The following TMEM168 variants were observed in gnomAD, a reference collection of about 807,000 sequenced individuals.
TMEM168 encodes transmembrane protein 168.
Under a neutral mutation model 53.2 loss-of-function variants are expected in TMEM168, and 40 were observed. That is an observed-to-expected ratio of 0.75 (90% CI 0.58 to 0.98). The LOEUF (loss-of-function observed/expected upper bound fraction) is 0.98. Ranked by LOEUF, TMEM168 falls within the 50% of genes least tolerant of loss-of-function variation. The probability of loss-of-function intolerance (pLI) is 0.00; values close to 1 mark genes in which losing one functional copy is unlikely to be tolerated. For synonymous variants in TMEM168, 282 were observed against 293.0 expected (o/e 0.96, Z 0.38); for missense variants, 771 against 828.8 (o/e 0.93, Z 0.86).
chr7:112,772,805 C>T lies in TMEM168; in HGVS notation c.1522G>A (p.Gly508Ser). ...YILYYSGHTH[G>S]TGEWALAGGD... ...CCTGCTAGAGCCCACTCTCCTGTAC[C>T]ATGGGTGTGCCCACTGTAATACAAA... The change falls in exon 4 of 5, where the codon GGT (glycine) becomes AGT (serine). Residue 508 changes from glycine to serine, a missense_variant. Coordinates refer to ENST00000312814, the MANE Select transcript of TMEM168 (RefSeq NM_022484.6). The T allele has an allele frequency of 6.2e-7, 1 of 1,613,956 alleles. No individual in the cohort carries two copies. The highest frequency in any genetic ancestry group is 8.5e-7 in the Non-Finnish European group (1 of 1,179,904).
rs150249344 is a variant in TMEM168 at position 112,772,837 on chromosome 7, G to A, written c.1490C>T (p.Thr497Met). 6.6e-5 allele frequency: 106 copies of A among 1,613,992 alleles called. No individual in the cohort carries two copies. In the African/African-American group the frequency reaches 9.5e-4, roughly 14 times the overall value. ...GTGCCCACTGTAATACAAAATATAC[G>A]TATCATGTCTGGGTCCATCCACTGT... The part of the protein sequence containing the change: ...LRTVDGPRHD[T>M]YILYYSGHTH... The change falls in exon 4 of 5, where the codon ACG (threonine) becomes ATG (methionine). Residue 497 changes from threonine to methionine, a missense_variant. Thr to Met is a moderately conservative substitution (Grantham distance 81). Coordinates refer to ENST00000312814, the MANE Select transcript of TMEM168 (RefSeq NM_022484.6).
intron 3 of TMEM168, 88 bp downstream of exon 3, chr7:112,775,088 T>C: frequency 1.8e-6 from 2 of 1,137,806 alleles, no homozygotes; most frequent in Non-Finnish European, 2.3e-6. Flanking sequence ...GAAAACAGTT[T>C]TGAAAAGGAG....
At chr7:112,769,268 TCA>T (rs1792869448) in intron 4 of TMEM168, among the ~76,000 whole-genome samples, 1 of 152,202 alleles carries the variant, frequency 6.6e-6, no homozygotes, top group Non-Finnish European at 1.5e-5. Context: ...ACATATTATC[TCA>T]GAGACACTAT....
intron 4 of TMEM168, among the ~76,000 whole-genome samples, chr7:112,772,154 C>T (rs1584437921): frequency 6.6e-6 from 1 of 152,170 alleles, no homozygotes; most frequent in East Asian, 1.9e-4. Context: ...GCATGCAAAC[C>T]AAAGTTATTT....
In TMEM168 at chr7:112,783,885, A is replaced by G; in HGVS notation, c.941T>C (p.Leu314Ser). The change falls in exon 2 of 5, where the codon TTA becomes TCA. Residue 314 changes from leucine (L) to serine (S), a missense_variant. Physicochemically the swap from Leu to Ser is moderately radical, Grantham distance 145. Coordinates refer to ENST00000312814, the MANE Select transcript of TMEM168 (RefSeq NM_022484.6). Reference protein sequence around the residue: ...FWMICHIIFLLTLWGFHTKLN... With the variant: ...FWMICHIIFLSTLWGFHTKLN... The stretch of plus-strand genomic sequence containing the variant: ...TTTGGTATGGAATCCCCAAAGAGTT[A>G]AAAGAAAAATAATATGACAAATCAT... 1 of 1,599,256 alleles carries G rather than the reference A, an allele frequency of 6.3e-7. No homozygotes were observed. Among genetic ancestry groups the G allele is most frequent in the Admixed American group, 1.8e-5 (1 of 56,244 alleles).
chr7:112,784,821 C>A lies in TMEM168; in HGVS notation c.5G>T (p.Cys2Phe). The A allele has an allele frequency of 6.4e-7, 1 of 1,567,174 alleles. No homozygotes were observed. Among genetic ancestry groups the A allele is most frequent in the Non-Finnish European group, 8.6e-7 (1 of 1,162,658 alleles). The part of the protein sequence containing the change: M[C>F]KSLRYCFSHC... The stretch of plus-strand genomic sequence containing the variant: ...ACTAAAGCAATAACGCAGTGATTTA[C>A]ACATGTAACCAGCAATGTGGGCTTT... The change falls in exon 2 of 5, where the codon TGT becomes TTT. Residue 2 changes from cysteine to phenylalanine, a missense_variant. Cys to Phe is a radical substitution (Grantham distance 205). Transcript: ENST00000312814.
At chr7:112,771,182 T>C (rs1299508928) in intron 4 of TMEM168, among the ~76,000 whole-genome samples, 1 of 152,224 alleles carries the variant, frequency 6.6e-6, no homozygotes, top group Non-Finnish European at 1.5e-5. Context: ...CTTTTAGTCT[T>C]GTACATTCTA....
chr7:112,769,557 C>CAA (rs112770687), intron 4 of TMEM168, among the ~76,000 whole-genome samples: 62,526 of 151,800 alleles, frequency 0.41, 16,256 homozygotes, highest in African/African-American at 0.74. Context: ...TAGATATCAA[C>CAA]GAGACCTAAA....
At chr7:112,773,456 TA>T (rs1195646150) in intron 3 of TMEM168, among the ~76,000 whole-genome samples, 2 of 151,874 alleles carry the variant, frequency 1.3e-5, no homozygotes, top group African/African-American at 4.8e-5. Flanking sequence ...TAACACAAAA[TA>T]AAAAAGCAAT....
intron 2 of TMEM168, among the ~76,000 whole-genome samples, chr7:112,780,198 G>A (rs1216635261): frequency 6.6e-6 from 1 of 152,164 alleles, no homozygotes; most frequent in Admixed American, 6.5e-5. Flanking sequence ...ACACGAATAA[G>A]TTAATTAACC....
intron 2 of TMEM168, among the ~76,000 whole-genome samples, chr7:112,780,588 TG>T (rs1177428004): frequency 1.3e-5 from 2 of 152,158 alleles, no homozygotes; most frequent in East Asian, 3.9e-4. Flanking sequence ...CCAGGTGCAG[TG>T]GCTCACACCT....
intron 4 of TMEM168, among the ~76,000 whole-genome samples, chr7:112,770,698 T>C (rs1364456214): frequency 3.3e-5 from 5 of 152,202 alleles, no homozygotes; most frequent in African/African-American, 4.8e-5. Flanking sequence ...CTAGAATTGA[T>C]TTCCATAGCT....
chr7:112,787,782 G>C (rs556577775), intron 1 of TMEM168, among the ~76,000 whole-genome samples: 22 of 119,586 alleles, frequency 1.8e-4, no homozygotes, highest in African/African-American at 6.9e-4. Context: ...GCCCAGGCTG[G>C]AATACAATGG....
intron 2 of TMEM168, among the ~76,000 whole-genome samples, chr7:112,777,942 G>A (rs1045047140): frequency 8.5e-6 from 1 of 117,858 alleles, no homozygotes; most frequent in Non-Finnish European, 1.7e-5. Context: ...GTGTGTGTGT[G>A]TACCTGGTTA....
At position 112,763,351 on chromosome 7, in the gene TMEM168, C is replaced by T. The variant is rs1792702188; in HGVS notation, c.*3846G>A. ...AAACTAAAGAAAATGTAGTAATTTA[C>T]AATCAAGTTATTCCAATTTCTCCTT... On this transcript the variant is annotated 3_prime_UTR_variant, in exon 5 of 5. Transcript: ENST00000312814. 1 of 151,998 alleles carries T rather than the reference C, an allele frequency of 6.6e-6. No individual in the cohort carries two copies. Among genetic ancestry groups the T allele is most frequent in the Non-Finnish European group, 1.5e-5 (1 of 67,946 alleles). The allele number at this position is 151,998 out of a possible 1,614,324, so 9.4% of individuals were successfully genotyped here.
At chr7:112,782,139 T>A (rs1357790514) in intron 2 of TMEM168, among the ~76,000 whole-genome samples, 1 of 152,146 alleles carries the variant, frequency 6.6e-6, no homozygotes, top group African/African-American at 2.4e-5. Context: ...TCATTAGTCA[T>A]TAGAGACATA....
intron 2 of TMEM168, among the ~76,000 whole-genome samples, chr7:112,783,411 T>G (rs778404512): frequency 6.6e-6 from 1 of 152,222 alleles, no homozygotes; most frequent in African/African-American, 2.4e-5. Context: ...TTCCAAATGT[T>G]AGTATTCTAA....
chr7:112,773,134 T>A, intron 3 of TMEM168, 79 bp from the exon 4 acceptor site: 1 of 1,436,688 alleles, frequency 7.0e-7, no homozygotes, highest in East Asian at 2.4e-5. Flanking sequence ...TATCTAAGAA[T>A]CAGTTATAAT....
rs200392160 is a variant in TMEM168, at chr7:112,784,713, T to C, written c.113A>G (p.Tyr38Cys). The C allele has an allele frequency of 1.2e-4, 199 of 1,613,916 alleles. No homozygotes were observed. Among genetic ancestry groups the C allele is most frequent in the East Asian group, 2.0e-4 (9 of 44,874 alleles). ...NMHSSVRYLGYLARINLLVAI... is the reference protein window; with the variant it reads ...NMHSSVRYLGCLARINLLVAI... ...AACCAATAAATTGATTCTGGCTAAA[T>C]AGCCAAGATACCGCACTGAAGAATG... Residue 38 changes from tyrosine (Y) to cysteine (C), a missense_variant, in exon 2 of 5, where the codon TAT becomes TGT. By Grantham distance (194) the Tyr-to-Cys change is radical. Coordinates refer to ENST00000312814, the MANE Select transcript of TMEM168 (RefSeq NM_022484.6).
Sources: gnomAD v4.1 joint callset for allele counts (sites outside exome capture counted in the v4.1 genomes callset) on GRCh38, gnomAD v4.1.1 for gene constraint, MANE v1.5 for transcripts, NCBI Gene and HGNC (gene_info 2026-07-23, HGNC 2026-07-21) for gene names.